Variants in UNC5B observed in about 807,000 individuals in gnomAD.
The protein encoded by UNC5B is netrin receptor UNC5B.
A neutral mutation model predicts 103.7 loss-of-function variants in UNC5B; 56 were observed. The ratio of observed to expected loss-of-function variants is 0.54; its 90% confidence interval spans 0.44 to 0.67. The LOEUF is 0.67. UNC5B is among the 30% of genes least tolerant of loss of function. UNC5B has a pLI of 0.00. For missense variants in UNC5B, 1,194 were observed against 1,284.5 expected (o/e 0.93, Z 1.08); for synonymous variants, 577 against 542.0 (o/e 1.06, Z -0.90).
chr10:71,292,407 T>C (rs1397829576), intron 10 of UNC5B, 60 bp from the exon 11 acceptor site: 1 of 1,468,282 alleles, frequency 6.8e-7, no homozygotes, highest in Non-Finnish European at 9.3e-7. Context: ...TGGGGCCAAC[T>C]TCCCAAACAC....
chr10:71,228,719 A>T (rs1328798798), intron 1 of UNC5B, among the ~76,000 whole-genome samples: 1 of 152,226 alleles, frequency 6.6e-6, no homozygotes, highest in African/African-American at 2.4e-5. Context: ...TCAGTTGTGG[A>T]GGGGGCTTGA....
chr10:71,256,085 C>A (rs1027905997), intron 1 of UNC5B, among the ~76,000 whole-genome samples: 3 of 152,212 alleles, frequency 2.0e-5, no homozygotes, highest in Non-Finnish European at 4.4e-5. Context: ...GATAAGGAAA[C>A]TTATCTGTAA....
intron 1 of UNC5B, among the ~76,000 whole-genome samples, chr10:71,276,686 G>A (rs1354148954): frequency 6.6e-6 from 1 of 152,178 alleles, no homozygotes; most frequent in Non-Finnish European, 1.5e-5. Flanking sequence ...CACCCACCTC[G>A]GCCTCCCAAA....
intron 1 of UNC5B, among the ~76,000 whole-genome samples, chr10:71,229,479 G>T (rs1367666435): frequency 1.3e-5 from 2 of 152,226 alleles, no homozygotes; most frequent in Non-Finnish European, 2.9e-5. Context: ...ATCCTGAGGA[G>T]CCTGCAGAGG....
intron 1 of UNC5B, among the ~76,000 whole-genome samples, chr10:71,214,782 G>A (rs1843298823): frequency 1.3e-5 from 2 of 152,168 alleles, no homozygotes; most frequent in Non-Finnish European, 2.9e-5. Flanking sequence ...AGAAGGCTGG[G>A]GGTGGCCTGC....
At chr10:71,264,823 C>T (rs1844487755) in intron 1 of UNC5B, among the ~76,000 whole-genome samples, 1 of 152,078 alleles carries the variant, frequency 6.6e-6, no homozygotes, top group Non-Finnish European at 1.5e-5. Flanking sequence ...TTGAGTACCA[C>T]TGGCACCAAG....
chr10:71,214,043 A>AGGC (rs886354566), intron 1 of UNC5B, among the ~76,000 whole-genome samples: 66 of 152,162 alleles, frequency 4.3e-4, no homozygotes, highest in African/African-American at 1.4e-3. Flanking sequence ...GAATGGAGCC[A>AGGC]GCCTCTCTCT....
rs370509511 is a variant in UNC5B at position 71,290,949 on chromosome 10, G to C, written c.1134G>C (p.Ala378=). The C allele has an allele frequency of 3.1e-6, 5 of 1,613,822 alleles. No homozygotes were observed. In the South Asian group the frequency reaches 5.5e-5, roughly 18 times the overall value. Reference sequence around the variant, plus strand: ...CCTCAGGGGATGCGGCGCTGTATGCGGGGCTCGTGGTGGCCATCTTCGTGG... The same window carrying C: ...CCTCAGGGGATGCGGCGCTGTATGCCGGGCTCGTGGTGGCCATCTTCGTGG... ...LEASGDAALY[A]GLVVAIFVVV... Residue 378 remains alanine (A), a synonymous_variant, in exon 9 of 17, where the codon GCG becomes GCC. Transcript: ENST00000335350.
chr10:71,263,914 C>T (rs1376544223), intron 1 of UNC5B, among the ~76,000 whole-genome samples: 1 of 152,192 alleles, frequency 6.6e-6, no homozygotes, highest in African/African-American at 2.4e-5. Flanking sequence ...GTGGCTGACA[C>T]AGCTTCTGGT....
intron 10 of UNC5B, among the ~76,000 whole-genome samples, chr10:71,292,226 A>C (rs1845284100): frequency 6.6e-6 from 1 of 152,188 alleles, no homozygotes; most frequent in South Asian, 2.1e-4. Context: ...TAGAGCTGGC[A>C]CTTGGACCTC....
chr10:71,260,367 G>A (rs1237181784), intron 1 of UNC5B, among the ~76,000 whole-genome samples: 1 of 152,234 alleles, frequency 6.6e-6, no homozygotes, highest in Non-Finnish European at 1.5e-5. Flanking sequence ...GGGCCCGGGA[G>A]CACGGAGGCC....
chr10:71,291,719 A>G lies in UNC5B; in HGVS notation c.1582A>G (p.Ser528Gly), dbSNP rs1845267491. 1.2e-6 allele frequency: 2 copies of G among 1,612,412 alleles called. No individual in the cohort carries two copies. Among genetic ancestry groups the G allele is most frequent in the East Asian group, 2.2e-5 (1 of 44,872 alleles). The part of the protein sequence containing the change: ...DTHFLHLRSA[S>G]LGSQQLLGLP... The stretch of plus-strand genomic sequence containing the variant: ...CCACTTCCTGCACCTGCGCAGCGCC[A>G]GCCTCGGTTCCCAGCAGCTCTTGGG... Residue 528 changes from serine to glycine, a missense_variant, in exon 10 of 17, where the codon AGC (serine) becomes GGC (glycine). Transcript: ENST00000335350.
At chr10:71,250,730 C>T (rs373118549) in intron 1 of UNC5B, among the ~76,000 whole-genome samples, 5 of 152,208 alleles carry the variant, frequency 3.3e-5, no homozygotes, top group Admixed American at 2.6e-4. Context: ...ATTGTTGCTG[C>T]GCTGCAGTGG....
intron 15 of UNC5B, among the ~76,000 whole-genome samples, chr10:71,297,506 C>G (rs1258176121): frequency 6.6e-6 from 1 of 152,272 alleles, no homozygotes; most frequent in Non-Finnish European, 1.5e-5. Flanking sequence ...GTAAAGAGCA[C>G]TGGATACAGG....
At position 71,291,618 on chromosome 10, in the gene UNC5B, C is replaced by T; in HGVS notation, c.1481C>T (p.Pro494Leu). ...VYSSSTTGSG[P>L]GLADGADLLG... ...AGCTCCAGCACCACGGGCTCTGGGCCAGGCCTGGCAGATGGGGCTGACCTG... is the reference window on the plus strand; with the variant it reads ...AGCTCCAGCACCACGGGCTCTGGGCTAGGCCTGGCAGATGGGGCTGACCTG... The change falls in exon 10 of 17, where the codon CCA (proline) becomes CTA (leucine). Residue 494 changes from proline (P) to leucine (L), a missense_variant. Coordinates refer to ENST00000335350, the MANE Select transcript of UNC5B (RefSeq NM_170744.5). The T allele has an allele frequency of 6.2e-7, 1 of 1,614,106 alleles. No homozygotes were observed. The highest frequency in any genetic ancestry group is 8.5e-7 in the Non-Finnish European group (1 of 1,180,036).
At chr10:71,215,806 GGTGT>G (rs55848098) in intron 1 of UNC5B, among the ~76,000 whole-genome samples, 6,440 of 149,512 alleles carry the variant, frequency 0.043, 149 homozygotes, top group Middle Eastern at 0.07. Flanking sequence ...GTCTCTGCTT[GGTGT>G]GTGTGTGTGT....
chr10:71,282,318 C>A (rs1844950765), intron 2 of UNC5B, among the ~76,000 whole-genome samples: 1 of 152,198 alleles, frequency 6.6e-6, no homozygotes, highest in Non-Finnish European at 1.5e-5. Context: ...GGCAGCCCAA[C>A]CCTGGGTGTC....
At chr10:71,291,998 C>T (rs1456627090) in intron 10 of UNC5B, among the ~76,000 whole-genome samples, 177 bp downstream of exon 10, 1 of 152,232 alleles carries the variant, frequency 6.6e-6, no homozygotes, top group Non-Finnish European at 1.5e-5. Flanking sequence ...AAAAGCTAGG[C>T]TTCAAGCCTG....
At position 71,284,868 on chromosome 10, in the gene UNC5B, G is replaced by A. The variant is rs1318579624; in HGVS notation, c.448+5G>A. The A allele has an allele frequency of 5.0e-6, 8 of 1,592,548 alleles. No homozygotes were observed. Among genetic ancestry groups the A allele is most frequent in the East Asian group, 4.5e-5 (2 of 44,732 alleles). On this transcript the variant is annotated splice_donor_5th_base_variant and intron_variant, in intron 3 of 16. Coordinates refer to ENST00000335350, the MANE Select transcript of UNC5B (RefSeq NM_170744.5). ...GAGCCTACGTCCGCATCGCCTGTAC[G>A]CCACCCTGACCCCCACCCTGTCCCT...
Sources: allele counts gnomAD v4.1 joint callset (sites outside exome capture counted in the v4.1 genomes callset), GRCh38; gene constraint gnomAD v4.1.1; transcripts MANE v1.5; gene names NCBI Gene and HGNC (gene_info 2026-07-23, HGNC 2026-07-21).